The following RBM23 variants were observed in gnomAD, a reference collection of about 807,000 sequenced individuals.
RBM23 encodes probable RNA-binding protein 23.
Under a neutral mutation model 56.2 loss-of-function variants are expected in RBM23, and 53 were observed. The observed-to-expected ratio is 0.94, with a 90% CI of 0.76 to 1.19. The LOEUF (loss-of-function observed/expected upper bound fraction) is 1.19, where lower values mean the gene tolerates loss of function less well. Among genes scored for constraint, RBM23 ranks in the 50% most tolerant of loss-of-function variants. The pLI is 0.00. For synonymous variants in RBM23, 197 were observed against 198.5 expected, an observed-to-expected ratio of 0.99 and a Z score of 0.06; for missense variants, 642 against 590.3, an observed-to-expected ratio of 1.09 and a Z score of -0.91.
intron 8 of RBM23, 33 bp from the exon 9 acceptor site, chr14:22,905,045 A>C: frequency 6.2e-6 from 10 of 1,614,096 alleles, no homozygotes; most frequent in Non-Finnish European, 8.5e-6. Flanking sequence ...GTCATGTCCC[A>C]CATTCCCTCT....
At chr14:22,915,944 G>C (rs2043406949) in intron 1 of RBM23, among the ~76,000 whole-genome samples, 1 of 152,202 alleles carries the variant, frequency 6.6e-6, no homozygotes, top group South Asian at 2.1e-4. Flanking sequence ...GCCAGGCAGA[G>C]GGGGTGGCTC....
At chr14:22,912,429 T>C (rs1331588254) in intron 1 of RBM23, among the ~76,000 whole-genome samples, 2 of 152,132 alleles carry the variant, frequency 1.3e-5, no homozygotes, top group African/African-American at 4.8e-5. Context: ...TTGAAACCTT[T>C]CTCTCTGGCA....
intron 1 of RBM23, 30 bp downstream of exon 1, chr14:22,918,969 T>C (rs1212050402): frequency 6.6e-6 from 1 of 152,304 alleles, no homozygotes; most frequent in African/African-American, 2.4e-5. Context: ...TGGTGACGTC[T>C]GGTGGGGACC....
intron 1 of RBM23, among the ~76,000 whole-genome samples, chr14:22,915,724 G>GA (rs1194422088): frequency 3.3e-5 from 5 of 152,138 alleles, no homozygotes; most frequent in African/African-American, 1.2e-4. Flanking sequence ...TCAAACTCCT[G>GA]ACCTCAGGTA....
rs762429165 is a variant in RBM23, at chr14:22,906,258, G to A, written c.338C>T (p.Ser113Leu). 27 of 1,614,058 alleles carry A rather than the reference G, an allele frequency of 1.7e-5. No homozygotes were observed. Among genetic ancestry groups the A allele is most frequent in the Non-Finnish European group, 2.1e-5 (25 of 1,180,044 alleles). ...CTCACGACGATGGTCCCGACTTCGC[G>A]ACTCACTACCATGTCGACGATCCCA... Reference protein sequence around the residue: ...RSWDRRHGSESRSRDHRREDR... With the variant: ...RSWDRRHGSELRSRDHRREDR... The change falls in exon 5 of 14, where the codon TCG becomes TTG. Residue 113 changes from serine (S) to leucine (L), a missense_variant. Transcript: ENST00000359890.
At chr14:22,903,617 T>C (rs2041002683) in intron 10 of RBM23, 2 of 996,216 alleles carry the variant, frequency 2.0e-6, no homozygotes, top group Non-Finnish European at 2.4e-6. Context: ...ACTGTGGGAG[T>C]GTATGCTGCC....
Position 22,904,985 on chromosome 14 carries a change from C to T in RBM23, c.754G>A (p.Ala252Thr). The T allele has an allele frequency of 6.2e-7, 1 of 1,614,176 alleles. No individual in the cohort carries two copies. Among genetic ancestry groups the T allele is most frequent in the Non-Finnish European group, 8.5e-7 (1 of 1,180,022 alleles). Reference sequence around the variant, plus strand: ...CCATTGCCCTTTTGCAGGTTGTTGGCCATGGCTGCCAGTCGGTTTTTCTCT... The same window carrying T: ...CCATTGCCCTTTTGCAGGTTGTTGGTCATGGCTGCCAGTCGGTTTTTCTCT... ...QAEKNRLAAM[A>T]NNLQKGNGGP... The change falls in exon 9 of 14, where the codon GCC (alanine) becomes ACC (threonine). Residue 252 changes from alanine to threonine, a missense_variant. Physicochemically the swap from Ala to Thr is moderately conservative, Grantham distance 58. Transcript: ENST00000359890.
In RBM23 at chr14:22,901,971, C is replaced by T; in HGVS notation, c.1246+9G>A. On this transcript the variant is annotated intron_variant, in intron 12 of 13. Coordinates refer to ENST00000359890, the MANE Select transcript of RBM23 (RefSeq NM_001077351.2). ...AAACCTTCCCTTCCTTTCCCATGTC[C>T]AAGACTACCAGTCAGAGCTGCTGGA... is the stretch of plus-strand genomic sequence containing the variant. 6.2e-7 allele frequency: 1 copy of T among 1,610,886 alleles called. No homozygotes were observed. Among genetic ancestry groups the T allele is most frequent in the Non-Finnish European group, 8.5e-7 (1 of 1,177,628 alleles).
chr14:22,904,337 G>C lies in RBM23; in HGVS notation c.865-11C>G, dbSNP rs371337344. On this transcript the variant is annotated splice_polypyrimidine_tract_variant and intron_variant, in intron 9 of 13. Transcript: ENST00000359890. ...GACAATATTATCAATCTGTAGAAGAGTGAGAAATTATCAGTAAACTTTTGA... is the reference window on the plus strand; with the variant it reads ...GACAATATTATCAATCTGTAGAAGACTGAGAAATTATCAGTAAACTTTTGA... The C allele has an allele frequency of 6.3e-7, 1 of 1,598,256 alleles. No homozygotes were observed. The highest frequency in any genetic ancestry group is 1.3e-5 in the African/African-American group (1 of 74,412).
At chr14:22,913,393 G>A (rs55714926) in intron 1 of RBM23, among the ~76,000 whole-genome samples, 9,736 of 143,370 alleles carry the variant, frequency 0.068, 447 homozygotes, top group Non-Finnish European at 0.1. Context: ...CAACCTGGGC[G>A]ACAGAGCAAG....
intron 2 of RBM23, among the ~76,000 whole-genome samples, chr14:22,910,751 G>A (rs770196556): frequency 5.9e-5 from 9 of 152,104 alleles, no homozygotes; most frequent in South Asian, 2.1e-4. Flanking sequence ...AGTGGCTCAC[G>A]CCTGTAATCC....
At position 22,901,602 on chromosome 14, in the gene RBM23, T is replaced by G. The variant is rs2040490302; in HGVS notation, c.*128A>C. On this transcript the variant is annotated 3_prime_UTR_variant, in exon 14 of 14. Coordinates refer to ENST00000359890, the MANE Select transcript of RBM23 (RefSeq NM_001077351.2). ...TGGTATCTTAAGGGTGGCCCCAATTTCCTCAGAGACAATGTCCATGCCCTC... is the reference window on the plus strand; with the variant it reads ...TGGTATCTTAAGGGTGGCCCCAATTGCCTCAGAGACAATGTCCATGCCCTC... 5.8e-6 allele frequency: 8 copies of G among 1,383,724 alleles called. No homozygotes were observed. In the Middle Eastern group the frequency reaches 9.0e-4, roughly 156 times the overall value. 85.7% of individuals were successfully genotyped at this position (1,383,724 alleles called of 1,614,324 possible). A position where few individuals can be genotyped will look rare whatever the true frequency, so the allele number is the denominator to read the frequency against.
rs775916327 is a variant in RBM23 at position 22,899,891 on chromosome 14, A to G, written c.*1839T>C. On this transcript the variant is annotated 3_prime_UTR_variant, in exon 14 of 14. Transcript: ENST00000359890. Reference sequence around the variant, plus strand: ...AACAGCAATTATCCATATTTTTAGCATAAGAAAGTCTTAGCATTTTGTTGC... The same window carrying G: ...AACAGCAATTATCCATATTTTTAGCGTAAGAAAGTCTTAGCATTTTGTTGC... 2.0e-5 allele frequency: 3 copies of G among 152,218 alleles called. No individual in the cohort carries two copies. Among genetic ancestry groups the G allele is most frequent in the Non-Finnish European group, 4.4e-5 (3 of 68,032 alleles). 9.4% of individuals were successfully genotyped at this position (152,218 alleles called of 1,614,324 possible).
rs755702129 is a variant in RBM23, at chr14:22,901,825, G to T, written c.1305C>A (p.Thr435=). The change falls in exon 13 of 14, where the codon ACC becomes ACA. Residue 435 remains threonine (T), a synonymous_variant. Coordinates refer to ENST00000359890, the MANE Select transcript of RBM23 (RefSeq NM_001077351.2). ...ACCCTGAGACTCACATGGTCTGGGG[G>T]GTAAAGAGGCTGGAGAGCTGGAAAC... The part of the protein sequence containing the change: ...SQCFQLSSLF[T]PQTM The T allele has an allele frequency of 2.7e-5, 43 of 1,614,050 alleles. No individual in the cohort carries two copies.
At position 22,893,741 on chromosome 14, in the gene RBM23, G is replaced by GC. The variant is rs1248073095; in HGVS notation, c.*7988dup. The GC allele has an allele frequency of 6.6e-5, 10 of 152,082 alleles. No homozygotes were observed. The highest frequency in any genetic ancestry group is 2.4e-4 in the African/African-American group (10 of 41,390). 9.4% of individuals were successfully genotyped at this position (152,082 alleles called of 1,614,324 possible). Reference sequence around the variant, plus strand: ...AGGCAGCAAAATTTGGGTGGATGGTGCAGTCGTCAAAGGACACAAATGCCG... The same window carrying GC: ...AGGCAGCAAAATTTGGGTGGATGGTGCCAGTCGTCAAAGGACACAAATGCCG... On this transcript the variant is annotated 3_prime_UTR_variant, in exon 14 of 14. Coordinates refer to ENST00000359890, the MANE Select transcript of RBM23 (RefSeq NM_001077351.2).
At chr14:22,918,280 A>T (rs973291312) in intron 1 of RBM23, among the ~76,000 whole-genome samples, 51 of 152,074 alleles carry the variant, frequency 3.4e-4, no homozygotes, top group Non-Finnish European at 8.8e-5. Flanking sequence ...CTGTAATCCC[A>T]GCTACTCGGG....
rs1261625859 is a variant in RBM23, at chr14:22,896,647, TC to T, written c.*5082del. On this transcript the variant is annotated 3_prime_UTR_variant, in exon 14 of 14. Transcript: ENST00000359890. ...TGGCTCTCCAGAAACTCCAGCCAACTCCTTAAGGGCTCTTGAGAGCAGATCA... is the reference window on the plus strand; with the variant it reads ...TGGCTCTCCAGAAACTCCAGCCAACTCTTAAGGGCTCTTGAGAGCAGATCA... The T allele has an allele frequency of 2.0e-5, 3 of 152,174 alleles. No homozygotes were observed. Among genetic ancestry groups the T allele is most frequent in the Non-Finnish European group, 4.4e-5 (3 of 68,038 alleles). The allele number at this position is 152,174 out of a possible 1,614,324, so 9.4% of individuals were successfully genotyped here.
Position 22,901,891 on chromosome 14 carries a change from A to G in RBM23, c.1247-8T>C, listed in dbSNP as rs2040548592. The stretch of plus-strand genomic sequence containing the variant: ...TCAGGGCTGGACTCAGAGCTAGAAC[A>G]AAGACAGGCAGAGTGAGTGAGCAAG... On this transcript the variant is annotated splice_region_variant and splice_polypyrimidine_tract_variant and intron_variant, in intron 12 of 13. Coordinates refer to ENST00000359890, the MANE Select transcript of RBM23 (RefSeq NM_001077351.2). The G allele has an allele frequency of 6.2e-7, 1 of 1,614,202 alleles. No homozygotes were observed. Among genetic ancestry groups the G allele is most frequent in the African/African-American group, 1.3e-5 (1 of 75,052 alleles).
At chr14:22,906,129 C>T in intron 5 of RBM23, 66 bp downstream of exon 5, 1 of 1,558,378 alleles carries the variant, frequency 6.4e-7, no homozygotes, top group Non-Finnish European at 8.8e-7. Flanking sequence ...AAGCAGGGTT[C>T]ATAGTGCATT....
Sources: gnomAD v4.1 joint callset for allele counts (sites outside exome capture counted in the v4.1 genomes callset) on GRCh38, gnomAD v4.1.1 for gene constraint, MANE v1.5 for transcripts, NCBI Gene and HGNC (gene_info 2026-07-23, HGNC 2026-07-21) for gene names.